Variants in CNOT4 observed in about 807,000 individuals in gnomAD.
CNOT4 encodes the protein CCR4-associated factor 4.
Under a neutral mutation model 73.8 loss-of-function variants are expected in CNOT4, and 8 were observed. The observed-to-expected ratio is 0.11, with a 90% confidence interval of 0.06 to 0.20. The LOEUF (loss-of-function observed/expected upper bound fraction) is 0.20. Ranked by LOEUF, CNOT4 falls within the 10% of genes least tolerant of loss-of-function variation. CNOT4 has a pLI of 1.00. For synonymous variants in CNOT4, 293 were observed against 321.1 expected, an observed-to-expected ratio of 0.91 and a Z score of 0.94; for missense variants, 564 against 883.4, an observed-to-expected ratio of 0.64 and a Z score of 4.58.
intron 3 of CNOT4, among the ~76,000 whole-genome samples, chr7:135,418,281 T>C (rs1320090783): frequency 6.6e-6 from 1 of 152,212 alleles, no homozygotes; most frequent in Non-Finnish European, 1.5e-5. Flanking sequence ...AAAATAGTAT[T>C]CTAGTGAACT....
intron 2 of CNOT4, among the ~76,000 whole-genome samples, chr7:135,429,993 C>T (rs7806012): frequency 0.02 from 3,047 of 152,208 alleles, 110 homozygotes; most frequent in African/African-American, 0.07. Flanking sequence ...CAAAAAGAAT[C>T]CCAGAGGTCT....
intron 1 of CNOT4, among the ~76,000 whole-genome samples, chr7:135,461,791 C>T (rs1800893297): frequency 6.6e-6 from 1 of 151,986 alleles, no homozygotes; most frequent in Non-Finnish European, 1.5e-5. Context: ...GAGATCGCAC[C>T]ACTACACCCC....
At chr7:135,425,296 A>T (rs1007964621) in intron 2 of CNOT4, among the ~76,000 whole-genome samples, 1 of 152,200 alleles carries the variant, frequency 6.6e-6, no homozygotes, top group South Asian at 2.1e-4. Flanking sequence ...TTAGTATTCT[A>T]TGAGGTTGTA....
chr7:135,376,486 T>C (rs1795528477), intron 10 of CNOT4, among the ~76,000 whole-genome samples: 1 of 152,308 alleles, frequency 6.6e-6, no homozygotes, highest in African/African-American at 2.4e-5. Flanking sequence ...AGCAATAAAA[T>C]ATTTTTATTG....
intron 1 of CNOT4, among the ~76,000 whole-genome samples, chr7:135,442,440 T>C (rs1178072871): frequency 1.3e-5 from 2 of 151,740 alleles, no homozygotes; most frequent in Non-Finnish European, 2.9e-5. Flanking sequence ...CTACTAAAAA[T>C]ACAAAAAAAT....
chr7:135,458,279 C>T (rs1314375282), intron 1 of CNOT4, among the ~76,000 whole-genome samples: 1 of 151,986 alleles, frequency 6.6e-6, no homozygotes, highest in African/African-American at 2.4e-5. Flanking sequence ...AATGTATACA[C>T]CTTAATTTAA....
intron 1 of CNOT4, among the ~76,000 whole-genome samples, chr7:135,480,371 C>A (rs1249895824): frequency 6.6e-6 from 1 of 151,984 alleles, no homozygotes; most frequent in African/African-American, 2.4e-5. Context: ...TTTTATATAC[C>A]CTTTGGTCTC....
At chr7:135,408,714 T>C (rs1206591453) in intron 7 of CNOT4, among the ~76,000 whole-genome samples, 1 of 152,028 alleles carries the variant, frequency 6.6e-6, no homozygotes. Context: ...CTTTGGGATG[T>C]GGGAGGAAAC....
chr7:135,390,704 T>C (rs1311619334), intron 10 of CNOT4, among the ~76,000 whole-genome samples: 1 of 152,160 alleles, frequency 6.6e-6, no homozygotes, highest in Non-Finnish European at 1.5e-5. Flanking sequence ...CAATCTTTAA[T>C]AATTCACTGA....
intron 10 of CNOT4, among the ~76,000 whole-genome samples, chr7:135,390,732 A>G (rs1054359307): frequency 6.6e-6 from 1 of 152,178 alleles, no homozygotes; most frequent in Non-Finnish European, 1.5e-5. Context: ...AAAAATAAAA[A>G]TTTAAGTACA....
intron 3 of CNOT4, among the ~76,000 whole-genome samples, chr7:135,419,633 T>C (rs1286992869): frequency 6.6e-6 from 1 of 152,206 alleles, no homozygotes; most frequent in Non-Finnish European, 1.5e-5. Flanking sequence ...TTTTTAAGTA[T>C]ACTTAGACTC....
At chr7:135,495,957 T>C (rs1803546888) in intron 1 of CNOT4, among the ~76,000 whole-genome samples, 1 of 152,090 alleles carries the variant, frequency 6.6e-6, no homozygotes. Flanking sequence ...AAGAATAATA[T>C]TCAGCACAAA....
chr7:135,471,410 G>A (rs1279778200), intron 1 of CNOT4, among the ~76,000 whole-genome samples: 1 of 152,140 alleles, frequency 6.6e-6, no homozygotes, highest in East Asian at 1.9e-4. Context: ...CCATTAAACT[G>A]TAGAATATTT....
intron 1 of CNOT4, among the ~76,000 whole-genome samples, chr7:135,473,358 T>C (rs573063318): frequency 2.0e-5 from 3 of 152,294 alleles, no homozygotes; most frequent in Admixed American, 1.3e-4. Flanking sequence ...AATTTTTGGC[T>C]AAATAAAACA....
intron 1 of CNOT4, among the ~76,000 whole-genome samples, chr7:135,502,713 G>A (rs1804064260): frequency 6.6e-6 from 1 of 151,112 alleles, no homozygotes; most frequent in South Asian, 2.1e-4. Flanking sequence ...CTACTGAGGA[G>A]GCTGAGGCAG....
chr7:135,489,411 T>G (rs1802956483), intron 1 of CNOT4, among the ~76,000 whole-genome samples: 1 of 146,856 alleles, frequency 6.8e-6, no homozygotes, highest in South Asian at 2.2e-4. Context: ...TTTTTTTTTT[T>G]TTTTGAGACA....
In CNOT4 at chr7:135,365,512, T is replaced by A. The variant is rs1794867548; in HGVS notation, c.1628-1446A>T. On this transcript the variant is annotated intron_variant, in intron 10 of 11. Coordinates refer to ENST00000541284, the MANE Select transcript of CNOT4 (RefSeq NM_001190850.2). ...CTGAGAGGCAGGCAGACAAGGATAA[T>A]CTGCATTTACTAGATAAAGAAACAG... 2.4e-5 allele frequency among the ~76,000 whole-genome samples: 3 copies of A among 123,342 alleles called. No individual in the cohort carries two copies. In the Admixed American group the frequency reaches 2.5e-4, roughly 10 times the overall value. The allele number at this position is 123,342 out of a possible 152,430, so 80.9% of individuals were successfully genotyped here. A position where few individuals can be genotyped will look rare whatever the true frequency, so the allele number is the denominator to read the frequency against.
At chr7:135,489,685 T>C (rs113495407) in intron 1 of CNOT4, among the ~76,000 whole-genome samples, 3,401 of 152,212 alleles carry the variant, frequency 0.022, 124 homozygotes, top group African/African-American at 0.07. Context: ...CATGAGCCAC[T>C]GCGCCTGGCC....
At chr7:135,447,942 A>G (rs1018441288) in intron 1 of CNOT4, among the ~76,000 whole-genome samples, 12 of 152,176 alleles carry the variant, frequency 7.9e-5, no homozygotes, top group African/African-American at 2.9e-4. Flanking sequence ...ATCAGTGGAG[A>G]TAAAAAGCTG....
Sources: gnomAD v4.1 joint callset for allele counts (sites outside exome capture counted in the v4.1 genomes callset) on GRCh38, gnomAD v4.1.1 for gene constraint, MANE v1.5 for transcripts, NCBI Gene and HGNC (gene_info 2026-07-23, HGNC 2026-07-21) for gene names.